Variants in KCNQ1 observed in about 807,000 individuals in gnomAD.
The protein encoded by KCNQ1 is potassium voltage-gated channel subfamily Q member 1, also known as potassium voltage-gated channel subfamily KQT member 1.
KCNQ1 carries 49 observed loss-of-function variants against 72.4 expected under a neutral mutation model. That is an observed-to-expected ratio of 0.68 (90% confidence interval 0.54 to 0.86). The LOEUF (loss-of-function observed/expected upper bound fraction) is 0.86. Among genes scored for constraint, KCNQ1 ranks in the 40% least tolerant of loss-of-function variants. The pLI is 0.00. For synonymous variants in KCNQ1, 450 were observed against 412.6 expected (o/e 1.09, Z -1.10); for missense variants, 790 against 945.1 (o/e 0.84, Z 2.15).
In KCNQ1 at chr11:2,695,309, G is replaced by C. The variant is rs185407774; in HGVS notation, c.1514+33228G>C. On this transcript the variant is annotated intron_variant, in intron 11 of 15. Transcript: ENST00000155840. This position sits in a 1 kb window ranked among gnomAD's most constrained non-coding sequence, Gnocchi z 5.2. Reference sequence around the variant, plus strand: ...CCTCCCTACACAAACAGCTTCTCCAGGGTAATTTATTTATATCATTGTGTG... The same window carrying C: ...CCTCCCTACACAAACAGCTTCTCCACGGTAATTTATTTATATCATTGTGTG... 2 of 397,246 alleles carry C rather than the reference G, an allele frequency of 5.0e-6. No individual in the cohort carries two copies. The highest frequency in any genetic ancestry group is 8.9e-6 in the Non-Finnish European group (2 of 225,892). The allele number at this position is 397,246 out of a possible 1,614,324, so 24.6% of individuals were successfully genotyped here.
intron 11 of KCNQ1, chr11:2,689,788 G>C: frequency 2.5e-6 from 1 of 398,634 alleles, no homozygotes; most frequent in Middle Eastern, 6.3e-4. Context: ...TAGGAGGGGA[G>C]GGGAAGCACT....
chr11:2,494,273 T>G lies in KCNQ1; in HGVS notation c.387-33655T>G, dbSNP rs764288173. On this transcript the variant is annotated intron_variant, in intron 1 of 15. Coordinates refer to ENST00000155840, the MANE Select transcript of KCNQ1 (RefSeq NM_000218.3). The surrounding 1 kb of genome is among the most constrained non-coding windows in gnomAD (Gnocchi z 4.6). ...CTGAGACAATGGGGTTTTCTAAATATACAATCATGTCATCTGCAAACAGAG... is the reference window on the plus strand; with the variant it reads ...CTGAGACAATGGGGTTTTCTAAATAGACAATCATGTCATCTGCAAACAGAG... Among the ~76,000 whole-genome samples, 1 of 152,226 alleles carries G rather than the reference T, an allele frequency of 6.6e-6. No homozygotes were observed. Among genetic ancestry groups the G allele is most frequent in the Non-Finnish European group, 1.5e-5 (1 of 68,036 alleles).
intron 11 of KCNQ1, among the ~76,000 whole-genome samples, chr11:2,714,440 C>T (rs1851055671): frequency 6.6e-6 from 1 of 152,188 alleles, no homozygotes; most frequent in Admixed American, 6.5e-5. Flanking sequence ...CTGGACAGCC[C>T]CTCTGCCATC....
At chr11:2,722,584 A>C (rs966950946) in intron 11 of KCNQ1, among the ~76,000 whole-genome samples, 1 of 152,160 alleles carries the variant, frequency 6.6e-6, no homozygotes, top group Admixed American at 6.5e-5. Flanking sequence ...TAGAACTGGC[A>C]GTGGGGTTTG....
chr11:2,545,643 A>C (rs919704914), intron 2 of KCNQ1, among the ~76,000 whole-genome samples: 2 of 152,082 alleles, frequency 1.3e-5, no homozygotes, highest in African/African-American at 2.4e-5. Flanking sequence ...GTGATTGGTA[A>C]TTATATTCAG....
chr11:2,571,548 G>T (rs1848335035), intron 4 of KCNQ1, 145 bp downstream of exon 4: 1 of 729,178 alleles, frequency 1.4e-6, no homozygotes, highest in African/African-American at 1.7e-5. Context: ...TGAGCCATGT[G>T]CTGGGATGGG....
intron 15 of KCNQ1, among the ~76,000 whole-genome samples, chr11:2,791,264 C>T (rs951881077): frequency 6.6e-6 from 1 of 152,168 alleles, no homozygotes; most frequent in Admixed American, 6.5e-5. Context: ...GCACCGTGTG[C>T]GGATCTATAA....
rs58498265 is a variant in KCNQ1 at position 2,494,960 on chromosome 11, G to A, written c.387-32968G>A. On this transcript the variant is annotated intron_variant, in intron 1 of 15. Transcript: ENST00000155840. The surrounding 1 kb of genome is among the most constrained non-coding windows in gnomAD (Gnocchi z 4.6). The stretch of plus-strand genomic sequence containing the variant: ...TCTGGTAGAATTTGGGTGTGAATCC[G>A]TCTGGTCCTGGGCTTTTTTTGGTTG... 3.4e-3 allele frequency among the ~76,000 whole-genome samples: 514 copies of A among 152,234 alleles called. 2 individuals are homozygous for A. Among genetic ancestry groups the A allele is most frequent in the African/African-American group, 0.011 (477 of 41,528 alleles).
At chr11:2,528,622 G>A (rs1052513159) in intron 2 of KCNQ1, among the ~76,000 whole-genome samples, 5 of 152,238 alleles carry the variant, frequency 3.3e-5, no homozygotes, top group Non-Finnish European at 4.4e-5. Context: ...AGCCCACGGG[G>A]TCCCCACGGA....
intron 2 of KCNQ1, among the ~76,000 whole-genome samples, chr11:2,535,134 A>G (rs1056344452): frequency 6.6e-6 from 1 of 152,148 alleles, no homozygotes; most frequent in Non-Finnish European, 1.5e-5. Context: ...CTGTCCTGAG[A>G]CCTGCCTGGA....
At chr11:2,628,718 T>C (rs908215736) in intron 10 of KCNQ1, 5 of 398,336 alleles carry the variant, frequency 1.3e-5, no homozygotes, top group South Asian at 1.3e-4. Context: ...CAAAAACCAA[T>C]GGCAAGGAGC....
rs766049476 is a variant in KCNQ1, at chr11:2,777,049, G to C, written c.1732+17G>C. 6.2e-7 allele frequency: 1 copy of C among 1,613,748 alleles called. No homozygotes were observed. Among genetic ancestry groups the C allele is most frequent in the Non-Finnish European group, 8.5e-7 (1 of 1,179,706 alleles). ...CCGTCTCAGGTGGGTTTCTGTGTCA[G>C]TTACTCTGGGCCCAGCAGCCTGCAA... On this transcript the variant is annotated intron_variant, in intron 14 of 15. Coordinates refer to ENST00000155840, the MANE Select transcript of KCNQ1 (RefSeq NM_000218.3).
At chr11:2,697,300 T>C (rs1850693911) in intron 11 of KCNQ1, 1 of 398,466 alleles carries the variant, frequency 2.5e-6, no homozygotes, top group Admixed American at 4.4e-5. Context: ...CACCAAAATG[T>C]TTGAGAATCT....
At chr11:2,470,594 G>A (rs1393528917) in intron 1 of KCNQ1, among the ~76,000 whole-genome samples, 1 of 152,064 alleles carries the variant, frequency 6.6e-6, no homozygotes, top group Non-Finnish European at 1.5e-5. Context: ...AGTTATCAAG[G>A]GAGGGGGTGT....
At chr11:2,580,533 C>A (rs539134290) in intron 6 of KCNQ1, among the ~76,000 whole-genome samples, 206 of 152,352 alleles carry the variant, frequency 1.4e-3, no homozygotes, top group African/African-American at 4.6e-3. Context: ...GATCCCCACG[C>A]CTGTCCCGGA....
intron 10 of KCNQ1, chr11:2,616,086 A>G (rs1849059040): frequency 2.5e-6 from 1 of 397,954 alleles, no homozygotes; most frequent in African/African-American, 2.1e-5. Flanking sequence ...CTGTATTAGT[A>G]TTTTGTGAAT....
At chr11:2,465,654 G>A (rs1040344170) in intron 1 of KCNQ1, among the ~76,000 whole-genome samples, 3 of 152,194 alleles carry the variant, frequency 2.0e-5, no homozygotes, top group Non-Finnish European at 4.4e-5. Context: ...GGTGGAATTG[G>A]AGAGGGGAGG....
rs576258973 is a variant in KCNQ1, at chr11:2,735,094, G to A, written c.1515-33750G>A. Among the ~76,000 whole-genome samples the A allele has an allele frequency of 5.3e-5, 8 of 152,278 alleles. No individual in the cohort carries two copies. In the South Asian group the frequency reaches 1.4e-3, roughly 28 times the overall value. ...CATCACCTGTGCCGTGGCTGTCAGC[G>A]CGCATCTGGCTTACATTGAACTCCC... On this transcript the variant is annotated intron_variant, in intron 11 of 15. Transcript: ENST00000155840. This position sits in a 1 kb window ranked among gnomAD's most constrained non-coding sequence, Gnocchi z 7.7.
chr11:2,582,858 G>A lies in KCNQ1; in HGVS notation c.922-577G>A, dbSNP rs189873168. ...CCTCAGATGCCAGCGCGGGGGAAAG[G>A]GTGGGGGGAGCCTTCTATTGTCCCA... On this transcript the variant is annotated intron_variant, in intron 6 of 15. Coordinates refer to ENST00000155840, the MANE Select transcript of KCNQ1 (RefSeq NM_000218.3). Among the ~76,000 whole-genome samples the A allele has an allele frequency of 2.0e-4, 30 of 152,270 alleles. No homozygotes were observed. In the East Asian group the frequency reaches 5.4e-3, roughly 28 times the overall value.
Sources: gnomAD v4.1 joint callset for allele counts (sites outside exome capture counted in the v4.1 genomes callset) on GRCh38, gnomAD v4.1.1 for gene constraint, Gnocchi (gnomAD v3.1) non-coding constraint, MANE v1.5 for transcripts, NCBI Gene and HGNC (gene_info 2026-07-23, HGNC 2026-07-21) for gene names.